The following SEMA5A variants were observed in gnomAD, a reference collection of about 807,000 sequenced individuals.
The protein encoded by SEMA5A is semaphorin 5A.
In SEMA5A, 55 loss-of-function variants were observed where a neutral mutation model predicts 135.5. The ratio of observed to expected loss-of-function variants is 0.41; its 90% CI spans 0.33 to 0.51. SEMA5A has a LOEUF of 0.51. Among genes scored for constraint, SEMA5A ranks in the 20% least tolerant of loss-of-function variants. SEMA5A has a pLI of 0.37. For missense variants in SEMA5A, 1,290 were observed against 1,419.9 expected, an observed-to-expected ratio of 0.91 and a Z score of 1.47; for synonymous variants, 580 against 546.5, an observed-to-expected ratio of 1.06 and a Z score of -0.85.
intron 5 of SEMA5A, among the ~76,000 whole-genome samples, chr5:9,281,866 C>T (rs185563308): frequency 0.017 from 2,615 of 150,576 alleles, 31 homozygotes; most frequent in Middle Eastern, 0.087. Flanking sequence ...GCTCTGTCAC[C>T]CAGGCTGGAG....
intron 2 of SEMA5A, among the ~76,000 whole-genome samples, chr5:9,418,374 G>A (rs980022803): frequency 6.6e-6 from 1 of 152,124 alleles, no homozygotes; most frequent in Non-Finnish European, 1.5e-5. Context: ...CTATCAAACT[G>A]GGTGTTAGGA....
chr5:9,539,877 G>A (rs11958229), intron 1 of SEMA5A, among the ~76,000 whole-genome samples: 14,650 of 152,146 alleles, frequency 0.096, 956 homozygotes, highest in Non-Finnish European at 0.14. Flanking sequence ...TGTGTATTAG[G>A]AACTAGGAAA....
chr5:9,285,777 G>A lies in SEMA5A; in HGVS notation c.270+32595C>T, dbSNP rs556613576. Among the ~76,000 whole-genome samples, 433 of 152,316 alleles carry A rather than the reference G, an allele frequency of 2.8e-3. 2 individuals carry two copies. Among genetic ancestry groups the A allele is most frequent in the Non-Finnish European group, 4.2e-3 (288 of 68,026 alleles). Reference sequence around the variant, plus strand: ...TGAAAAGCCCTTTTCAAGCCATGAGGGTGACCTCCTATAATGACCTTGACC... The same window carrying A: ...TGAAAAGCCCTTTTCAAGCCATGAGAGTGACCTCCTATAATGACCTTGACC... On this transcript the variant is annotated intron_variant, in intron 5 of 22. Transcript: ENST00000382496.
intron 16 of SEMA5A, among the ~76,000 whole-genome samples, chr5:9,094,883 G>A (rs551903855): frequency 2.6e-5 from 4 of 152,196 alleles, no homozygotes; most frequent in African/African-American, 7.2e-5. Context: ...GTAGGAATGT[G>A]ACATGGAATG....
chr5:9,373,735 G>T (rs929095067), intron 3 of SEMA5A, among the ~76,000 whole-genome samples: 1 of 152,214 alleles, frequency 6.6e-6, no homozygotes, highest in African/African-American at 2.4e-5. Flanking sequence ...ACACCCTGAA[G>T]AAAGGCCTCC....
chr5:9,371,258 G>T (rs1015924976), intron 3 of SEMA5A, among the ~76,000 whole-genome samples: 1 of 152,082 alleles, frequency 6.6e-6, no homozygotes, highest in African/African-American at 2.4e-5. Flanking sequence ...AAAGTAACAT[G>T]AAAGTTATTA....
intron 16 of SEMA5A, among the ~76,000 whole-genome samples, chr5:9,106,263 A>G (rs913472788): frequency 2.0e-5 from 3 of 152,354 alleles, no homozygotes; most frequent in African/African-American, 4.8e-5. Context: ...CAGTGGTTAC[A>G]TTTGTTTCAT....
chr5:9,421,707 T>C (rs1226269030), intron 2 of SEMA5A, among the ~76,000 whole-genome samples: 1 of 152,202 alleles, frequency 6.6e-6, no homozygotes, highest in African/African-American at 2.4e-5. Context: ...TTTCTCTCTC[T>C]CTTTTTGGCC....
At chr5:9,168,614 A>C (rs548444098) in intron 11 of SEMA5A, among the ~76,000 whole-genome samples, 1 of 152,172 alleles carries the variant, frequency 6.6e-6, no homozygotes, top group Non-Finnish European at 1.5e-5. Flanking sequence ...ACAGGAAAAA[A>C]CCAATGGGCA....
At chr5:9,371,166 A>G (rs990650830) in intron 3 of SEMA5A, among the ~76,000 whole-genome samples, 1 of 152,192 alleles carries the variant, frequency 6.6e-6, no homozygotes, top group Non-Finnish European at 1.5e-5. Flanking sequence ...TAAATCAACC[A>G]AAAAACAATT....
At chr5:9,092,092 G>A (rs1312621445) in intron 16 of SEMA5A, among the ~76,000 whole-genome samples, 1 of 152,128 alleles carries the variant, frequency 6.6e-6, no homozygotes, top group East Asian at 1.9e-4. Flanking sequence ...GCTCCTTAAG[G>A]TCAAGCTCAG....
chr5:9,375,346 G>C (rs927623476), intron 3 of SEMA5A, among the ~76,000 whole-genome samples: 5 of 152,038 alleles, frequency 3.3e-5, no homozygotes, highest in Admixed American at 3.3e-4. Context: ...CATGACTTAT[G>C]TCCTTATAAA....
intron 1 of SEMA5A, among the ~76,000 whole-genome samples, chr5:9,523,859 T>C (rs1455059842): frequency 1.3e-5 from 2 of 152,246 alleles, no homozygotes; most frequent in Non-Finnish European, 2.9e-5. Context: ...TTAGTGTCTG[T>C]CCCCTAAAAG....
At chr5:9,427,277 C>A (rs1298248114) in intron 2 of SEMA5A, among the ~76,000 whole-genome samples, 1 of 151,698 alleles carries the variant, frequency 6.6e-6, no homozygotes, top group African/African-American at 2.4e-5. Context: ...CGCCACTGCT[C>A]TCCAGCCTGG....
rs190734920 is a variant in SEMA5A at position 9,383,769 on chromosome 5, T to C, written c.-77-3746A>G. On this transcript the variant is annotated intron_variant, in intron 2 of 22. Coordinates refer to ENST00000382496, the MANE Select transcript of SEMA5A (RefSeq NM_003966.3). ...GACCTGCTTGTGACCGCAACTGTCC[T>C]TTATTTACAATATGCCCTCCACTCT... is the stretch of plus-strand genomic sequence containing the variant. 9.1e-4 allele frequency among the ~76,000 whole-genome samples: 138 copies of C among 152,318 alleles called. 1 individual carries two copies. The highest frequency in any genetic ancestry group is 2.3e-3 in the Admixed American group (35 of 15,302).
At chr5:9,305,443 T>C (rs1751812458) in intron 5 of SEMA5A, among the ~76,000 whole-genome samples, 1 of 152,062 alleles carries the variant, frequency 6.6e-6, no homozygotes, top group Admixed American at 6.6e-5. Flanking sequence ...CACTCTGTGT[T>C]TTTCGTAACT....
At chr5:9,426,776 C>T (rs1046120545) in intron 2 of SEMA5A, among the ~76,000 whole-genome samples, 1 of 152,110 alleles carries the variant, frequency 6.6e-6, no homozygotes, top group Non-Finnish European at 1.5e-5. Flanking sequence ...TAACTTTGTA[C>T]ATTATCTGCC....
chr5:9,100,537 G>T (rs961808911), intron 16 of SEMA5A, among the ~76,000 whole-genome samples: 1 of 152,110 alleles, frequency 6.6e-6, no homozygotes, highest in Non-Finnish European at 1.5e-5. Context: ...CAGTTCTGCT[G>T]CCCTTAGCAG....
chr5:9,127,695 T>C (rs1376475231), intron 13 of SEMA5A, among the ~76,000 whole-genome samples: 2 of 152,170 alleles, frequency 1.3e-5, no homozygotes, highest in Non-Finnish European at 2.9e-5. Context: ...CCCCTAATAT[T>C]AATCAGAAAC....
Sources: allele counts gnomAD v4.1 joint callset (sites outside exome capture counted in the v4.1 genomes callset), GRCh38; gene constraint gnomAD v4.1.1; transcripts MANE v1.5; gene names NCBI Gene and HGNC (gene_info 2026-07-23, HGNC 2026-07-21).